CAMKMT: variants seen among roughly 807,000 people sequenced by gnomAD.
CAMKMT encodes calmodulin-lysine N-methyltransferase, also known as CaM KMT.
A neutral mutation model predicts 48.0 loss-of-function variants in CAMKMT; 53 were observed. That is an observed-to-expected ratio of 1.10 (90% CI 0.89 to 1.39). The LOEUF is 1.39. Among genes scored for constraint, CAMKMT ranks in the 40% most tolerant of loss-of-function variants. CAMKMT has a pLI of 0.00. For synonymous variants in CAMKMT, 165 were observed against 152.3 expected (o/e 1.08, Z -0.61); for missense variants, 428 against 402.7 (o/e 1.06, Z -0.54).
Position 44,628,670 on chromosome 2 carries a change from C to T in CAMKMT, c.377-75613C>T, listed in dbSNP as rs1483354522. 3.3e-5 allele frequency among the ~76,000 whole-genome samples: 5 copies of T among 151,956 alleles called. 1 individual carries two copies. In the South Asian group the frequency reaches 1.0e-3, roughly 31 times the overall value. On this transcript the variant is annotated intron_variant, in intron 3 of 10. Transcript: ENST00000378494. Reference sequence around the variant, plus strand: ...TTTCTTATGTAAGCATTCAAAGCTGCAAATTGACCCTGTAAGCCCTACTCT... The same window carrying T: ...TTTCTTATGTAAGCATTCAAAGCTGTAAATTGACCCTGTAAGCCCTACTCT...
At chr2:44,640,776 C>G (rs1431867991) in intron 3 of CAMKMT, among the ~76,000 whole-genome samples, 1 of 151,998 alleles carries the variant, frequency 6.6e-6, no homozygotes, top group Non-Finnish European at 1.5e-5. Context: ...GAGAGCATGC[C>G]CTCTGTAATG....
chr2:44,501,572 C>T (rs901649552), intron 3 of CAMKMT, among the ~76,000 whole-genome samples: 4 of 152,252 alleles, frequency 2.6e-5, no homozygotes, highest in African/African-American at 9.6e-5. Flanking sequence ...ATTGTGAAGT[C>T]TCTCATGTAT....
intron 3 of CAMKMT, among the ~76,000 whole-genome samples, chr2:44,480,879 A>G (rs574797308): frequency 2.6e-5 from 4 of 152,222 alleles, no homozygotes; most frequent in African/African-American, 7.2e-5. Context: ...TATTATACAT[A>G]TCATACATAG....
chr2:44,543,041 A>G (rs1386953315), intron 3 of CAMKMT, among the ~76,000 whole-genome samples: 1 of 152,212 alleles, frequency 6.6e-6, no homozygotes, highest in Non-Finnish European at 1.5e-5. Context: ...GATGCAAATT[A>G]TCGTTTACTA....
intron 3 of CAMKMT, among the ~76,000 whole-genome samples, chr2:44,445,237 T>C (rs569292572): frequency 2.0e-5 from 3 of 152,298 alleles, no homozygotes; most frequent in African/African-American, 7.2e-5. Context: ...CAAACTGCTT[T>C]GGCACCCATG....
intron 3 of CAMKMT, among the ~76,000 whole-genome samples, chr2:44,538,451 G>A (rs1413092513): frequency 6.6e-6 from 1 of 152,066 alleles, no homozygotes; most frequent in Admixed American, 6.5e-5. Context: ...CCATAAAAAG[G>A]AATGAAATAA....
Position 44,747,449 on chromosome 2 carries a change from A to G in CAMKMT, c.698+3753A>G, listed in dbSNP as rs191210154. On this transcript the variant is annotated intron_variant, in intron 8 of 10. Coordinates refer to ENST00000378494, the MANE Select transcript of CAMKMT (RefSeq NM_024766.5). ...GCCCTTTCACCTGACACCTGAGAAG[A>G]CTCAGTCCCAGAGAAAATACATGAA... is the stretch of plus-strand genomic sequence containing the variant. 1.1e-3 allele frequency among the ~76,000 whole-genome samples: 161 copies of G among 152,276 alleles called. 1 individual carries two copies. Among genetic ancestry groups the G allele is most frequent in the African/African-American group, 3.8e-3 (156 of 41,546 alleles).
chr2:44,485,872 G>A (rs899738281), intron 3 of CAMKMT, among the ~76,000 whole-genome samples: 5 of 152,192 alleles, frequency 3.3e-5, no homozygotes, highest in African/African-American at 1.2e-4. Flanking sequence ...GCTTACCTCT[G>A]GGGAAGAGAG....
chr2:44,374,361 C>T (rs572774546), intron 2 of CAMKMT, among the ~76,000 whole-genome samples: 2 of 152,014 alleles, frequency 1.3e-5, no homozygotes, highest in African/African-American at 2.4e-5. Flanking sequence ...TCAAGTGATC[C>T]TTACAATAAC....
At chr2:44,382,045 G>C in intron 2 of CAMKMT, among the ~76,000 whole-genome samples, 1 of 150,360 alleles carries the variant, frequency 6.7e-6, no homozygotes, top group African/African-American at 2.4e-5. Context: ...GGGTTCAAGC[G>C]ATTCTCCTGC....
chr2:44,595,118 G>C (rs1167953768), intron 3 of CAMKMT, among the ~76,000 whole-genome samples: 2 of 152,174 alleles, frequency 1.3e-5, no homozygotes, highest in African/African-American at 4.8e-5. Context: ...TCTCATGCCA[G>C]TTAGAATGGT....
At chr2:44,733,869 G>A (rs1240246714) in intron 7 of CAMKMT, among the ~76,000 whole-genome samples, 6 of 151,960 alleles carry the variant, frequency 3.9e-5, no homozygotes, top group East Asian at 1.9e-4. Context: ...TATTAATATT[G>A]CATAAATATT....
intron 3 of CAMKMT, among the ~76,000 whole-genome samples, chr2:44,461,421 A>G (rs1667844672): frequency 6.6e-6 from 1 of 152,358 alleles, no homozygotes; most frequent in South Asian, 2.1e-4. Flanking sequence ...GCTCAAAGTT[A>G]TATAGCTAGT....
chr2:44,472,864 T>C (rs1668492916), intron 3 of CAMKMT, among the ~76,000 whole-genome samples: 1 of 152,252 alleles, frequency 6.6e-6, no homozygotes, highest in South Asian at 2.1e-4. Flanking sequence ...TGTCTTCTTA[T>C]ATAAGTTATC....
intron 3 of CAMKMT, among the ~76,000 whole-genome samples, chr2:44,472,808 A>C (rs1015733611): frequency 2.6e-5 from 4 of 152,220 alleles, no homozygotes; most frequent in African/African-American, 7.2e-5. Flanking sequence ...GATGAGATTA[A>C]ATGTTCAAAT....
chr2:44,490,494 C>G (rs80163141), intron 3 of CAMKMT, among the ~76,000 whole-genome samples: 1 of 152,106 alleles, frequency 6.6e-6, no homozygotes, highest in Non-Finnish European at 1.5e-5. Flanking sequence ...AGGCTGGTCT[C>G]GAACTCCCGA....
intron 7 of CAMKMT, among the ~76,000 whole-genome samples, chr2:44,732,818 G>A (rs1242097378): frequency 6.6e-6 from 1 of 151,940 alleles, no homozygotes; most frequent in African/African-American, 2.4e-5. Context: ...ATATATTCTG[G>A]ATATAAGCTT....
intron 7 of CAMKMT, among the ~76,000 whole-genome samples, chr2:44,719,807 T>A (rs904531614): frequency 3.3e-5 from 5 of 152,212 alleles, no homozygotes; most frequent in African/African-American, 2.4e-5. Flanking sequence ...TAGGCATTTA[T>A]CTGTTCTTTG....
At chr2:44,469,211 ATATC>A (rs1378078757) in intron 3 of CAMKMT, among the ~76,000 whole-genome samples, 1 of 152,226 alleles carries the variant, frequency 6.6e-6, no homozygotes, top group East Asian at 1.9e-4. Context: ...TTGTACATAT[ATATC>A]AAAGTATCAT....
Sources: allele counts gnomAD v4.1 joint callset (sites outside exome capture counted in the v4.1 genomes callset), GRCh38; gene constraint gnomAD v4.1.1; transcripts MANE v1.5; gene names NCBI Gene and HGNC (gene_info 2026-07-23, HGNC 2026-07-21).